Variants in RASAL3 observed in about 807,000 individuals in gnomAD.
RASAL3 encodes the protein RAS protein activator like-3.
In RASAL3, 74 loss-of-function variants were observed where a neutral mutation model predicts 105.5. The observed-to-expected ratio is 0.70, with a 90% CI of 0.58 to 0.85. The LOEUF is 0.85. Among genes scored for constraint, RASAL3 ranks in the 40% least tolerant of loss-of-function variants. The pLI is 0.00. For synonymous variants in RASAL3, 579 were observed against 591.6 expected, an observed-to-expected ratio of 0.98 and a Z score of 0.31; for missense variants, 1,352 against 1,392.0, an observed-to-expected ratio of 0.97 and a Z score of 0.46.
At position 15,461,228 on chromosome 19, in the gene RASAL3, G is replaced by A. The variant is rs1352327803; in HGVS notation, c.534C>T (p.Phe178=). The change falls in exon 4 of 18, where the codon TTC becomes TTT. Residue 178 remains phenylalanine, a synonymous_variant. Transcript: ENST00000343625. ...ACCCCTCAAGCTTACCTGGATCCCTGAAGTTCCCCATGGCCACGTGGATGC... is the reference window on the plus strand; with the variant it reads ...ACCCCTCAAGCTTACCTGGATCCCTAAAGTTCCCCATGGCCACGTGGATGC... ...EGSIHVAMGN[F]RDPDRMPGKT... 1 of 1,613,900 alleles carries A rather than the reference G, an allele frequency of 6.2e-7. No homozygotes were observed. The highest frequency in any genetic ancestry group is 8.5e-7 in the Non-Finnish European group (1 of 1,179,870).
At position 15,457,589 on chromosome 19, in the gene RASAL3, C is replaced by G; in HGVS notation, c.1134G>C (p.Ala378=). 7.7e-7 allele frequency: 1 copy of G among 1,299,228 alleles called. No individual in the cohort carries two copies. The highest frequency in any genetic ancestry group is 1.6e-5 in the African/African-American group (1 of 61,722). The allele number at this position is 1,299,228 out of a possible 1,614,324, so 80.5% of individuals were successfully genotyped here. A position where few individuals can be genotyped will look rare whatever the true frequency, so the allele number is the denominator to read the frequency against. Reference sequence around the variant, plus strand: ...GCGCCAGGGCCACGCGGCCCAGCACCGCGCTTCCCGGGCCCAAGCCGCGCA... The same window carrying G: ...GCGCCAGGGCCACGCGGCCCAGCACGGCGCTTCCCGGGCCCAAGCCGCGCA... The part of the protein sequence containing the change: ...LRLRGLGPGS[A]VLGRVALALE... The change falls in exon 9 of 18, where the codon GCG becomes GCC. Residue 378 remains alanine (A), a synonymous_variant. Coordinates refer to ENST00000343625, the MANE Select transcript of RASAL3 (RefSeq NM_022904.3). The surrounding 1 kb of genome is among the most constrained non-coding windows in gnomAD (Gnocchi z 8.6).
At chr19:15,458,024 G>A in intron 8 of RASAL3, 190 bp from the exon 9 acceptor site, 1 of 691,610 alleles carries the variant, frequency 1.4e-6, no homozygotes, top group Non-Finnish European at 2.4e-6. Flanking sequence ...GCTTTTCTGG[G>A]CTCTCCGGGA....
intron 15 of RASAL3, 32 bp from the exon 16 acceptor site, chr19:15,452,847 G>A (rs1232379784): frequency 1.3e-6 from 2 of 1,505,322 alleles, no homozygotes; most frequent in Non-Finnish European, 1.8e-6. Context: ...AATCTGACCC[G>A]TTGTCCCGCC....
intron 2 of RASAL3, among the ~76,000 whole-genome samples, chr19:15,463,437 C>T (rs556196866): frequency 5.9e-5 from 9 of 152,276 alleles, no homozygotes; most frequent in East Asian, 3.9e-4. Flanking sequence ...AATTCCACTA[C>T]ACTGTGAGCT....
intron 17 of RASAL3, 37 bp from the exon 18 acceptor site, chr19:15,451,975 A>T: frequency 6.2e-7 from 1 of 1,613,190 alleles, no homozygotes; most frequent in Non-Finnish European, 8.5e-7. Context: ...AGAAACCAGG[A>T]GAGGGCTGCA....
At position 15,456,898 on chromosome 19, in the gene RASAL3, G is replaced by C; in HGVS notation, c.1432-252C>G. ...GCGTGATGCTCAGGCCCCTGTCGCA[G>C]CTGAAGCTTAGGCTCCGCTCTTCAA... is the stretch of plus-strand genomic sequence containing the variant. On this transcript the variant is annotated intron_variant, in intron 9 of 17. Coordinates refer to ENST00000343625, the MANE Select transcript of RASAL3 (RefSeq NM_022904.3). This position sits in a 1 kb window ranked among gnomAD's most constrained non-coding sequence, Gnocchi z 4.4. The C allele has an allele frequency of 1.8e-6, 1 of 561,208 alleles. No homozygotes were observed. The highest frequency in any genetic ancestry group is 3.2e-6 in the Non-Finnish European group (1 of 315,032). The allele number at this position is 561,208 out of a possible 1,614,324, so 34.8% of individuals were successfully genotyped here.
chr19:15,456,625 T>C lies in RASAL3; in HGVS notation c.1453A>G (p.Thr485Ala). The C allele has an allele frequency of 6.2e-7, 1 of 1,612,968 alleles. No homozygotes were observed. Among genetic ancestry groups the C allele is most frequent in the South Asian group, 1.1e-5 (1 of 90,926 alleles). ...CCTCCACAGCGCGCCAGCTCCGCAG[T>C]GCCCAGGTCAGTCACCAGCGCCTAG... ...RAQALVTDLGTAELARCGGRE... is the reference protein window; with the variant it reads ...RAQALVTDLGAAELARCGGRE... The change falls in exon 10 of 18, where the codon ACT becomes GCT. Residue 485 changes from threonine to alanine, a missense_variant. Thr to Ala is a moderately conservative substitution (Grantham distance 58, BLOSUM62 0). This residue lies in a region of RASAL3 where 920 missense variants were observed against 919.6 expected (regional missense o/e 1.00). Transcript: ENST00000343625. The surrounding 1 kb of genome is among the most constrained non-coding windows in gnomAD (Gnocchi z 4.4).
chr19:15,451,920 T>A lies in RASAL3; in HGVS notation c.2911A>T (p.Met971Leu), dbSNP rs973740719. Residue 971 changes from methionine to leucine, a missense_variant, in exon 18 of 18, where the codon ATG becomes TTG. Physicochemically the swap from Met to Leu is conservative, Grantham distance 15. Transcript: ENST00000343625. ...CTCAGCTGAGCCTGAGTTCTCTCCATCTCATTTAGGCGGTGCTCCTGGGGA... is the reference window on the plus strand; with the variant it reads ...CTCAGCTGAGCCTGAGTTCTCTCCAACTCATTTAGGCGGTGCTCCTGGGGA... ...LKNLEHRLNE[M>L]ERTQAQLRDA... is the part of the protein sequence containing the mutation. 32 of 1,608,346 alleles carry A rather than the reference T, an allele frequency of 2.0e-5. No homozygotes were observed. The highest frequency in any genetic ancestry group is 6.7e-5 in the Admixed American group (4 of 59,918).
At position 15,464,285 on chromosome 19, in the gene RASAL3, C is replaced by T. The variant is rs753250537; in HGVS notation, c.74G>A (p.Trp25Ter). 5.0e-6 allele frequency: 8 copies of T among 1,607,190 alleles called. No individual in the cohort carries two copies. Among genetic ancestry groups the T allele is most frequent in the Non-Finnish European group, 5.9e-6 (7 of 1,177,484 alleles). ...TATSPLTSYRWHTGGGGEKAA... is the reference protein window; with the variant it reads ...TATSPLTSYR ...CTTCTCCCCACCGCCCCCTGTGTGC[C>T]AGCGGTAGGAAGTCAGCGGAGAGGT... The change falls in exon 2 of 18, where the codon TGG becomes TAG. Residue 25 changes from tryptophan (W) to a stop codon, truncating the protein, a stop_gained. Transcript: ENST00000343625. LOFTEE classifies it high-confidence loss of function.
chr19:15,464,524 C>T lies in RASAL3; in HGVS notation c.-39G>A. 1.4e-6 allele frequency: 1 copy of T among 702,494 alleles called. No individual in the cohort carries two copies. 43.5% of individuals were successfully genotyped at this position (702,494 alleles called of 1,614,324 possible). A position where few individuals can be genotyped will look rare whatever the true frequency, so the allele number is the denominator to read the frequency against. On this transcript the variant is annotated 5_prime_UTR_variant, in exon 1 of 18. Transcript: ENST00000343625. ...CCTTACCTTGGTTTCCTGACCAGCC[C>T]CAGAATCAGCAGCCGTCTGCACCCC...
chr19:15,456,335 T>C lies in RASAL3; in HGVS notation c.1577-87A>G. On this transcript the variant is annotated intron_variant, in intron 10 of 17. Coordinates refer to ENST00000343625, the MANE Select transcript of RASAL3 (RefSeq NM_022904.3). This position sits in a 1 kb window ranked among gnomAD's most constrained non-coding sequence, Gnocchi z 4.4. ...TCCTCCAACCTTGTCTTCAGGTTATTCCGGAGGCACCCAACATCTTGGGGA... is the reference window on the plus strand; with the variant it reads ...TCCTCCAACCTTGTCTTCAGGTTATCCCGGAGGCACCCAACATCTTGGGGA... 6.4e-7 allele frequency: 1 copy of C among 1,563,552 alleles called. No homozygotes were observed. The highest frequency in any genetic ancestry group is 2.3e-5 in the East Asian group (1 of 43,962).
Position 15,454,729 on chromosome 19 carries a change from T to A in RASAL3, c.1886A>T (p.His629Leu), listed in dbSNP as rs774546316. ...APSLFGLAPD[H>L]PAPGPARTLT... ...GGTGCGGGCTGGGCCGGGTGCTGGA[T>A]GGTCTGGTGCCAAACCAAAGAGGCT... Residue 629 changes from histidine to leucine, a missense_variant, in exon 12 of 18, where the codon CAT becomes CTT. Around this residue, in one of 3 missense-constraint regions of RASAL3, gnomAD observed 920 missense variants for 919.6 expected, o/e 1.00. Transcript: ENST00000343625. The A allele has an allele frequency of 6.0e-5, 96 of 1,610,376 alleles. 1 individual carries two copies. The South Asian group carries it at 1.0e-3, about 17-fold the overall frequency.
chr19:15,452,452 C>G lies in RASAL3; in HGVS notation c.2828+206G>C, dbSNP rs531142737. The G allele has an allele frequency of 2.7e-4, 161 of 595,834 alleles. 1 individual carries two copies. The highest frequency in any genetic ancestry group is 3.2e-4 in the Non-Finnish European group (109 of 338,378). The allele number at this position is 595,834 out of a possible 1,614,324, so 36.9% of individuals were successfully genotyped here. A position where few individuals can be genotyped will look rare whatever the true frequency, so the allele number is the denominator to read the frequency against. ...GTGGGGCCTGGATGAGAGAATCTGCCAGGGTCCTAGGCCGACCTTCGTTGG... is the reference window on the plus strand; with the variant it reads ...GTGGGGCCTGGATGAGAGAATCTGCGAGGGTCCTAGGCCGACCTTCGTTGG... On this transcript the variant is annotated intron_variant, in intron 16 of 17. Transcript: ENST00000343625.
At position 15,453,429 on chromosome 19, in the gene RASAL3, G is replaced by T. The variant is rs868344911; in HGVS notation, c.2348C>A (p.Ser783Tyr). The part of the protein sequence containing the change: ...RDLPKHTPLI[S>Y]KSQSLRSVRR... ...AACGCTGCGCAGAGACTGGCTCTTG[G>T]AGATGAGAGGGGTGTGCTTGGGGAG... Residue 783 changes from serine to tyrosine, a missense_variant, in exon 15 of 18, where the codon TCC becomes TAC. Ser to Tyr is a moderately radical substitution (Grantham distance 144, BLOSUM62 -2). Coordinates refer to ENST00000343625, the MANE Select transcript of RASAL3 (RefSeq NM_022904.3). The surrounding 1 kb of genome is among the most constrained non-coding windows in gnomAD (Gnocchi z 4.2). The T allele has an allele frequency of 6.5e-7, 1 of 1,535,236 alleles. No individual in the cohort carries two copies. Among genetic ancestry groups the T allele is most frequent in the South Asian group, 1.2e-5 (1 of 80,662 alleles).
In RASAL3 at chr19:15,457,725, T is replaced by C. The variant is rs751693788; in HGVS notation, c.998A>G (p.Asp333Gly). Reference protein sequence around the residue: ...APGVRAELWLDGALLARTAPR... With the variant: ...APGVRAELWLGGALLARTAPR... ...CGCCGTGCGTGCCAGCAGCGCGCCA[T>C]CCAGCCACAGCTCGGCGCGCACGCC... is the stretch of plus-strand genomic sequence containing the variant. Residue 333 changes from aspartate to glycine, a missense_variant, in exon 9 of 18, where the codon GAT (aspartate) becomes GGT (glycine). Around this residue, in one of 3 missense-constraint regions of RASAL3, gnomAD observed 88 missense variants for 132.7 expected, o/e 0.66. Transcript: ENST00000343625. The surrounding 1 kb of genome is among the most constrained non-coding windows in gnomAD (Gnocchi z 8.6). 75 of 1,524,764 alleles carry C rather than the reference T, an allele frequency of 4.9e-5. No homozygotes were observed. The highest frequency in any genetic ancestry group is 5.5e-5 in the Non-Finnish European group (63 of 1,136,840). 94.5% of individuals were successfully genotyped at this position (1,524,764 alleles called of 1,614,324 possible).
chr19:15,462,128 A>C (rs1203960443), intron 2 of RASAL3, among the ~76,000 whole-genome samples: 1 of 151,960 alleles, frequency 6.6e-6, no homozygotes, highest in African/African-American at 2.4e-5. Flanking sequence ...GAGGTGGGGC[A>C]GATTGCTTGA....
chr19:15,457,543 G>C lies in RASAL3; in HGVS notation c.1180C>G (p.Arg394Gly), dbSNP rs748306057. 36 of 1,143,438 alleles carry C rather than the reference G, an allele frequency of 3.1e-5. 1 individual carries two copies. In the South Asian group the frequency reaches 8.4e-4, roughly 27 times the overall value. 70.8% of individuals were successfully genotyped at this position (1,143,438 alleles called of 1,614,324 possible). Residue 394 changes from arginine to glycine, a missense_variant, in exon 9 of 18, where the codon CGC (arginine) becomes GGC (glycine). Physicochemically the swap from Arg to Gly is moderately radical, Grantham distance 125 (BLOSUM62 -2). Around this residue, in one of 3 missense-constraint regions of RASAL3, gnomAD observed 920 missense variants for 919.6 expected, o/e 1.00. Coordinates refer to ENST00000343625, the MANE Select transcript of RASAL3 (RefSeq NM_022904.3). The surrounding 1 kb of genome is among the most constrained non-coding windows in gnomAD (Gnocchi z 8.6). Reference sequence around the variant, plus strand: ...CGCTCCAGACCGGCGGCAGGCGCGCGTGGGGCGTCCAGCTCCTCCAGCGCC... The same window carrying C: ...CGCTCCAGACCGGCGGCAGGCGCGCCTGGGGCGTCCAGCTCCTCCAGCGCC... Reference protein sequence around the residue: ...ALALEELDAPRAPAAGLERWF... With the variant: ...ALALEELDAPGAPAAGLERWF...
Position 15,451,800 on chromosome 19 carries a change from T to A in RASAL3, c.3031A>T (p.Thr1011Ser), listed in dbSNP as rs1287150082. The A allele has an allele frequency of 6.3e-7, 1 of 1,594,212 alleles. No homozygotes were observed. Among genetic ancestry groups the A allele is most frequent in the South Asian group, 1.1e-5 (1 of 90,164 alleles). ...LKAPCLNGDT[T>S] Reference sequence around the variant, plus strand: ...GATGAGGCAGGATGGGCAGCTCAGGTGGTGTCTCCATTGAGGCAGGGTGCT... The same window carrying A: ...GATGAGGCAGGATGGGCAGCTCAGGAGGTGTCTCCATTGAGGCAGGGTGCT... The change falls in exon 18 of 18, where the codon ACC becomes TCC. Residue 1011 changes from threonine to serine, a missense_variant. By Grantham distance (58) the Thr-to-Ser change is moderately conservative. Coordinates refer to ENST00000343625, the MANE Select transcript of RASAL3 (RefSeq NM_022904.3).
chr19:15,454,795 G>A lies in RASAL3; in HGVS notation c.1820C>T (p.Ser607Phe). The change falls in exon 12 of 18, where the codon TCC becomes TTC. Residue 607 changes from serine (S) to phenylalanine (F), a missense_variant. Ser to Phe is a radical substitution (Grantham distance 155). Coordinates refer to ENST00000343625, the MANE Select transcript of RASAL3 (RefSeq NM_022904.3). ...EVLGPRLVCASLFLRLLCPAI... is the reference protein window; with the variant it reads ...EVLGPRLVCAFLFLRLLCPAI... ...AGGGCACAGGAGCCGCAGGAAGAGG[G>A]AGGCGCACACCAGTCGGGGGCCCAG... 2 of 1,598,796 alleles carry A rather than the reference G, an allele frequency of 1.3e-6. No homozygotes were observed. The highest frequency in any genetic ancestry group is 1.7e-6 in the Non-Finnish European group (2 of 1,173,008).
Sources: gnomAD v4.1 joint callset for allele counts (sites outside exome capture counted in the v4.1 genomes callset) on GRCh38, gnomAD v4.1.1 for gene constraint, gnomAD v4.1.1 regional missense constraint, Gnocchi (gnomAD v3.1) non-coding constraint, MANE v1.5 for transcripts, NCBI Gene and HGNC (gene_info 2026-07-23, HGNC 2026-07-21) for gene names.